Variants in SMARCB1 observed in about 807,000 individuals in gnomAD.
SMARCB1 encodes SWI/SNF related BAF chromatin remodeling complex subunit B1, also known as SWI/SNF-related matrix-associated actin-dependent regulator of chromatin subfamily B member 1.
A neutral mutation model predicts 49.0 loss-of-function variants in SMARCB1; 5 were observed. That is an observed-to-expected ratio of 0.10 (90% confidence interval 0.05 to 0.21). The LOEUF is 0.21. Among genes scored for constraint, SMARCB1 ranks in the 10% least tolerant of loss-of-function variants. The pLI is 1.00. For synonymous variants in SMARCB1, 201 were observed against 200.1 expected, an observed-to-expected ratio of 1.00 and a Z score of -0.04; for missense variants, 226 against 509.2, an observed-to-expected ratio of 0.44 and a Z score of 5.35.
intron 5 of SMARCB1, among the ~76,000 whole-genome samples, chr22:23,813,093 C>A (rs564283901): frequency 2.0e-5 from 3 of 152,274 alleles, no homozygotes; most frequent in South Asian, 4.1e-4. Context: ...TCTCGAACTC[C>A]TGACCATGTG....
intron 6 of SMARCB1, among the ~76,000 whole-genome samples, chr22:23,821,089 T>C (rs1215008403): frequency 1.3e-5 from 2 of 152,216 alleles, no homozygotes; most frequent in African/African-American, 4.8e-5. Context: ...CTCCTGGGGC[T>C]GTTCCCTGCC....
Position 23,832,324 on chromosome 22 carries a change from C to T in SMARCB1, c.987-1248C>T, listed in dbSNP as rs554131586. On this transcript the variant is annotated intron_variant, in intron 7 of 8. Transcript: ENST00000644036. ...GTCATCCTTCCAAAGCCCTTCACAG[C>T]AATAAATGTTTCCATATTCCAGATG... Among the ~76,000 whole-genome samples, 4 of 152,348 alleles carry T rather than the reference C, an allele frequency of 2.6e-5. No homozygotes were observed. The East Asian group carries it at 7.7e-4, about 29-fold the overall frequency.
chr22:23,799,679 A>ATTTTTTTTTTGTTT (rs1929015990), intron 3 of SMARCB1, among the ~76,000 whole-genome samples: 1 of 68,406 alleles, frequency 1.5e-5, no homozygotes, highest in Non-Finnish European at 2.7e-5. Flanking sequence ...CACCTGGCTA[A>ATTTTTTTTTTGTTT]TTTTTTTTTT....
intron 5 of SMARCB1, among the ~76,000 whole-genome samples, chr22:23,811,950 A>G (rs1224528056): frequency 6.6e-6 from 1 of 152,214 alleles, no homozygotes; most frequent in Non-Finnish European, 1.5e-5. Context: ...GACAAAAAGA[A>G]TGTAAATTAT....
In SMARCB1 at chr22:23,837,580, G is replaced by T; in HGVS notation, c.*3400G>T. On this transcript the variant is annotated 3_prime_UTR_variant, in exon 9 of 9. Coordinates refer to ENST00000644036, the MANE Select transcript of SMARCB1 (RefSeq NM_003073.5). ...GAGGAGAACTCCAGCAAGGATGGGA[G>T]AGGGGCCCCAGGGCATAAGCAGCGT... 1 of 1,439,630 alleles carries T rather than the reference G, an allele frequency of 6.9e-7. No homozygotes were observed. Among genetic ancestry groups the T allele is most frequent in the South Asian group, 1.3e-5 (1 of 77,694 alleles). The allele number at this position is 1,439,630 out of a possible 1,614,324, so 89.2% of individuals were successfully genotyped here. A position where few individuals can be genotyped will look rare whatever the true frequency, so the allele number is the denominator to read the frequency against.
intron 5 of SMARCB1, chr22:23,816,532 G>A: frequency 1.6e-6 from 1 of 611,846 alleles, no homozygotes; most frequent in Non-Finnish European, 2.9e-6. Flanking sequence ...AAGTGTTTAT[G>A]GCCATGACCA....
At chr22:23,816,457 C>T (rs753790965) in intron 5 of SMARCB1, 13 of 538,400 alleles carry the variant, frequency 2.4e-5, no homozygotes, top group East Asian at 3.2e-5. Flanking sequence ...TTGCTGGCCT[C>T]GCCTGGATCA....
At position 23,820,559 on chromosome 22, in the gene SMARCB1, G is replaced by A. The variant is rs554204186; in HGVS notation, c.795+3623G>A. The stretch of plus-strand genomic sequence containing the variant: ...ACTGCAGTCCAGCCTGGCTGACAGC[G>A]AGACTCTGACTCAGTCAGTCAATCA... On this transcript the variant is annotated intron_variant, in intron 6 of 8. Transcript: ENST00000644036. Among the ~76,000 whole-genome samples the A allele has an allele frequency of 5.3e-5, 8 of 152,322 alleles. 1 individual carries two copies. Among genetic ancestry groups the A allele is most frequent in the African/African-American group, 1.7e-4 (7 of 41,576 alleles).
At chr22:23,812,420 A>T (rs532527567) in intron 5 of SMARCB1, among the ~76,000 whole-genome samples, 1 of 152,112 alleles carries the variant, frequency 6.6e-6, no homozygotes, top group African/African-American at 2.4e-5. Flanking sequence ...GTTAACACCA[A>T]TTCTACACAA....
chr22:23,796,075 G>C (rs759909441), intron 3 of SMARCB1, among the ~76,000 whole-genome samples: 1 of 152,150 alleles, frequency 6.6e-6, no homozygotes, highest in African/African-American at 2.4e-5. Context: ...TTACAGGTGT[G>C]AGCCACTGTG....
At chr22:23,820,714 C>T (rs2030040408) in intron 6 of SMARCB1, among the ~76,000 whole-genome samples, 2 of 133,164 alleles carry the variant, frequency 1.5e-5, no homozygotes, top group Non-Finnish European at 3.3e-5. Context: ...GTTTCAGTTT[C>T]ACATTATGGC....
At chr22:23,827,380 G>A (rs2030438309) in intron 7 of SMARCB1, among the ~76,000 whole-genome samples, 1 of 152,226 alleles carries the variant, frequency 6.6e-6, no homozygotes, top group Non-Finnish European at 1.5e-5. Flanking sequence ...GGTGACCTGA[G>A]CCTAAATTCC....
intron 5 of SMARCB1, chr22:23,815,962 A>G (rs738798): frequency 0.92 from 140,461 of 152,572 alleles, 64,855 homozygotes; most frequent in Middle Eastern, 0.97. Flanking sequence ...GCTGCCCCGC[A>G]GGCTGTTAGG....
At chr22:23,820,147 A>G (rs551998499) in intron 6 of SMARCB1, among the ~76,000 whole-genome samples, 1 of 152,022 alleles carries the variant, frequency 6.6e-6, no homozygotes, top group South Asian at 2.1e-4. Flanking sequence ...TTTTTTGAGG[A>G]TTTTTGCATC....
intron 7 of SMARCB1, among the ~76,000 whole-genome samples, chr22:23,831,271 CAT>C (rs2030643032): frequency 6.6e-6 from 1 of 152,212 alleles, no homozygotes; most frequent in Non-Finnish European, 1.5e-5. Flanking sequence ...TGTTGCATCA[CAT>C]GAGGTCATGA....
intron 1 of SMARCB1, among the ~76,000 whole-genome samples, chr22:23,789,469 C>A (rs774544034): frequency 6.6e-6 from 1 of 152,212 alleles, no homozygotes; most frequent in African/African-American, 2.4e-5. Flanking sequence ...AGAAGCTGTG[C>A]GTGGCCAAGT....
At chr22:23,801,436 C>A in intron 4 of SMARCB1, 1 of 581,070 alleles carries the variant, frequency 1.7e-6, no homozygotes. Context: ...ACTGTGCCAC[C>A]ATTTCCCAGA....
chr22:23,792,499 A>G (rs573684807), intron 2 of SMARCB1: 129 of 202,666 alleles, frequency 6.4e-4, no homozygotes, highest in African/African-American at 2.9e-3. Context: ...TCTGTGGGAG[A>G]CACTCCCATG....
chr22:23,837,227 GC>G lies in SMARCB1; in HGVS notation c.*3052del. 6.4e-7 allele frequency: 1 copy of G among 1,561,514 alleles called. No individual in the cohort carries two copies. The highest frequency in any genetic ancestry group is 1.4e-5 in the African/African-American group (1 of 73,230). Reference sequence around the variant, plus strand: ...CCTAGACCAGCAGAGCCTGCCCCAGGCCCCCATCCACAGCCTGGTGGCCCTG... The same window carrying G: ...CCTAGACCAGCAGAGCCTGCCCCAGGCCCCATCCACAGCCTGGTGGCCCTG... On this transcript the variant is annotated 3_prime_UTR_variant, in exon 9 of 9. Transcript: ENST00000644036.
Sources: gnomAD v4.1 joint callset for allele counts (sites outside exome capture counted in the v4.1 genomes callset) on GRCh38, gnomAD v4.1.1 for gene constraint, MANE v1.5 for transcripts, NCBI Gene and HGNC (gene_info 2026-07-23, HGNC 2026-07-21) for gene names.